C3orf70: variants seen among roughly 807,000 people sequenced by gnomAD.
The protein encoded by C3orf70 is chromosome 3 open reading frame 70.
In C3orf70, 15 loss-of-function variants were observed where a neutral mutation model predicts 20.7. The observed-to-expected ratio is 0.72, with a 90% CI of 0.48 to 1.11. The LOEUF is 1.11. Among genes scored for constraint, C3orf70 ranks in the 50% most tolerant of loss-of-function variants. The pLI, the probability that C3orf70 is intolerant of heterozygous loss-of-function variation, is 0.00. For synonymous variants in C3orf70, 161 were observed against 125.7 expected (o/e 1.28, Z -1.88); for missense variants, 332 against 317.6 (o/e 1.05, Z -0.34).
At chr3:185,136,940 AACAAC>A (rs1307341722) in intron 1 of C3orf70, among the ~76,000 whole-genome samples, 4 of 113,576 alleles carry the variant, frequency 3.5e-5, no homozygotes, top group Non-Finnish European at 6.5e-5. Flanking sequence ...CAACAACAAC[AACAAC>A]AACAAACTAC....
chr3:185,091,600 G>C (rs1437817383), intron 1 of C3orf70, among the ~76,000 whole-genome samples: 2 of 151,928 alleles, frequency 1.3e-5, no homozygotes, highest in East Asian at 3.9e-4. Flanking sequence ...TCTTGTGAAG[G>C]TGGCAGAGCC....
At chr3:185,092,852 G>A (rs1386427446) in intron 1 of C3orf70, among the ~76,000 whole-genome samples, 2 of 152,084 alleles carry the variant, frequency 1.3e-5, no homozygotes, top group Non-Finnish European at 2.9e-5. Context: ...TTAGTTGGGT[G>A]CGGTGGCACA....
intron 1 of C3orf70, among the ~76,000 whole-genome samples, chr3:185,115,562 G>GA (rs1352404616): frequency 1.3e-5 from 2 of 151,982 alleles, no homozygotes; most frequent in South Asian, 2.1e-4. Flanking sequence ...GGCAAATTTG[G>GA]AAAAAAACAA....
rs1442545165 is a variant in C3orf70, at chr3:185,077,016, G to A, written c.*5991C>T. Among the ~76,000 whole-genome samples, 1 of 152,204 alleles carries A rather than the reference G, an allele frequency of 6.6e-6. No individual in the cohort carries two copies. Among genetic ancestry groups the A allele is most frequent in the African/African-American group, 2.4e-5 (1 of 41,464 alleles). ...AGGAATCACTTTAAAAGATCAGTTA[G>A]CTTTAGGAAAGGCAGAGCTAGTCTT... On this transcript the variant is annotated 3_prime_UTR_variant, in exon 2 of 2. Coordinates refer to ENST00000335012, the MANE Select transcript of C3orf70 (RefSeq NM_001025266.3).
At chr3:185,113,298 A>T (rs1184086514) in intron 1 of C3orf70, among the ~76,000 whole-genome samples, 1 of 151,870 alleles carries the variant, frequency 6.6e-6, no homozygotes, top group Non-Finnish European at 1.5e-5. Context: ...AAAAGAAAAA[A>T]AGAAAGTTAA....
chr3:185,097,066 A>C (rs6772964), intron 1 of C3orf70, among the ~76,000 whole-genome samples: 126,211 of 151,990 alleles, frequency 0.83, 54,603 homozygotes, highest in East Asian at 0.95. Flanking sequence ...ATAATACTCT[A>C]TATTAAACTT....
At chr3:185,129,453 A>G (rs749451512) in intron 1 of C3orf70, among the ~76,000 whole-genome samples, 7 of 152,144 alleles carry the variant, frequency 4.6e-5, no homozygotes, top group Non-Finnish European at 8.8e-5. Context: ...TATGTACCAC[A>G]TTTTCCTTAT....
intron 1 of C3orf70, among the ~76,000 whole-genome samples, chr3:185,128,557 T>A (rs1716462356): frequency 6.6e-6 from 1 of 150,742 alleles, no homozygotes; most frequent in East Asian, 1.9e-4. Context: ...AACCCACTAA[T>A]GAAATCAGAG....
intron 1 of C3orf70, among the ~76,000 whole-genome samples, chr3:185,113,947 C>T (rs1716126416): frequency 6.6e-6 from 1 of 152,152 alleles, no homozygotes; most frequent in Non-Finnish European, 1.5e-5. Flanking sequence ...CGCCTGTAAA[C>T]CTAGCACTTT....
At chr3:185,120,747 T>G (rs903699404) in intron 1 of C3orf70, among the ~76,000 whole-genome samples, 1 of 147,976 alleles carries the variant, frequency 6.8e-6, no homozygotes, top group Admixed American at 6.7e-5. Context: ...TTGGCATGGA[T>G]GCGGTGAAAA....
chr3:185,079,732 C>G lies in C3orf70; in HGVS notation c.*3275G>C, dbSNP rs530357701. On this transcript the variant is annotated 3_prime_UTR_variant, in exon 2 of 2. Coordinates refer to ENST00000335012, the MANE Select transcript of C3orf70 (RefSeq NM_001025266.3). The stretch of plus-strand genomic sequence containing the variant: ...CAACTTTCCAAAAGTAGGAGTGGTA[C>G]CAGGTTTCCATGTAAACCCAAGAAA... 5 of 152,672 alleles carry G rather than the reference C, an allele frequency of 3.3e-5. No individual in the cohort carries two copies. The highest frequency in any genetic ancestry group is 5.9e-5 in the Non-Finnish European group (4 of 68,028). 9.5% of individuals were successfully genotyped at this position (152,672 alleles called of 1,614,324 possible).
At chr3:185,147,153 A>G (rs976984399) in intron 1 of C3orf70, among the ~76,000 whole-genome samples, 6 of 152,154 alleles carry the variant, frequency 3.9e-5, no homozygotes, top group African/African-American at 1.4e-4. Flanking sequence ...AATACCACCT[A>G]TTAGACTACA....
At position 185,077,425 on chromosome 3, in the gene C3orf70, C is replaced by T. The variant is rs1331782195; in HGVS notation, c.*5582G>A. Among the ~76,000 whole-genome samples, 1 of 152,152 alleles carries T rather than the reference C, an allele frequency of 6.6e-6. No individual in the cohort carries two copies. Among genetic ancestry groups the T allele is most frequent in the Non-Finnish European group, 1.5e-5 (1 of 68,022 alleles). On this transcript the variant is annotated 3_prime_UTR_variant, in exon 2 of 2. Transcript: ENST00000335012. ...TTTCCTGATCTGTGAAATGGGGCTG[C>T]TTTAATCTCCCTCACAGGGTTGCTG...
At chr3:185,113,939 C>T (rs539651766) in intron 1 of C3orf70, among the ~76,000 whole-genome samples, 1 of 152,310 alleles carries the variant, frequency 6.6e-6, no homozygotes, top group African/African-American at 2.4e-5. Context: ...GTGGCTCACG[C>T]CTGTAAACCT....
At chr3:185,102,021 G>A (rs922821382) in intron 1 of C3orf70, among the ~76,000 whole-genome samples, 6 of 152,276 alleles carry the variant, frequency 3.9e-5, no homozygotes, top group Non-Finnish European at 8.8e-5. Context: ...CACAAGACAA[G>A]GATGCCCTCT....
In C3orf70 at chr3:185,083,148, G is replaced by T. The variant is rs779811600; in HGVS notation, c.612C>A (p.Asp204Glu). Residue 204 changes from aspartate (D) to glutamate (E), a missense_variant, in exon 2 of 2, where the codon GAC (aspartate) becomes GAA (glutamate). Physicochemically the swap from Asp to Glu is conservative, Grantham distance 45. Coordinates refer to ENST00000335012, the MANE Select transcript of C3orf70 (RefSeq NM_001025266.3). The stretch of plus-strand genomic sequence containing the variant: ...GTTCTGCTCCTTCTTCTGTGTCCTC[G>T]TCACACGATTCCACATAGTGAGCCC... ...AIGAHYVESC[D>E]EDTEEGAELS... 7 of 1,613,952 alleles carry T rather than the reference G, an allele frequency of 4.3e-6. No homozygotes were observed. The African/African-American group carries it at 9.3e-5, about 22-fold the overall frequency.
intron 1 of C3orf70, among the ~76,000 whole-genome samples, chr3:185,139,573 C>T (rs1716703312): frequency 1.3e-5 from 2 of 150,172 alleles, no homozygotes; most frequent in South Asian, 4.2e-4. Context: ...AAAATTCAGT[C>T]TACCCAACTA....
At chr3:185,149,876 G>A (rs569118888) in intron 1 of C3orf70, among the ~76,000 whole-genome samples, 3 of 152,278 alleles carry the variant, frequency 2.0e-5, no homozygotes, top group East Asian at 1.9e-4. Context: ...AACTGCCAAC[G>A]ACAGTCCAGT....
intron 1 of C3orf70, among the ~76,000 whole-genome samples, chr3:185,100,804 T>TA (rs1561337972): frequency 6.6e-6 from 1 of 150,618 alleles, no homozygotes; most frequent in East Asian, 1.9e-4. Context: ...CCTAGACTAA[T>TA]AAAGAAGAGA....
Sources: allele counts gnomAD v4.1 joint callset (sites outside exome capture counted in the v4.1 genomes callset), GRCh38; gene constraint gnomAD v4.1.1; transcripts MANE v1.5; gene names NCBI Gene and HGNC (gene_info 2026-07-23, HGNC 2026-07-21).